CDC42SE2: variants seen among roughly 807,000 people sequenced by gnomAD.
CDC42SE2 encodes the protein CDC42 small effector protein 2.
A neutral mutation model predicts 11.5 loss-of-function variants in CDC42SE2; 3 were observed. That is an observed-to-expected ratio of 0.26 (90% CI 0.12 to 0.67). The LOEUF (loss-of-function observed/expected upper bound fraction) is 0.67. CDC42SE2 is among the 30% of genes least tolerant of loss of function. CDC42SE2 has a pLI of 0.80. For missense variants in CDC42SE2, 82 were observed against 106.8 expected (o/e 0.77, Z 1.02); for synonymous variants, 33 against 34.8 (o/e 0.95, Z 0.18).
At chr5:131,233,164 A>C in the CDC42SE2 span, among the ~76,000 whole-genome samples, 4 of 152,198 alleles carry the variant, frequency 2.6e-5, no homozygotes, top group Middle Eastern at 6.8e-3. Flanking sequence ...ACTGTTCTAC[A>C]TGTTGTTTTT....
the CDC42SE2 span, among the ~76,000 whole-genome samples, chr5:131,215,709 A>T: frequency 6.6e-6 from 1 of 152,182 alleles, no homozygotes; most frequent in African/African-American, 2.4e-5. Context: ...TCATTCAAAA[A>T]CCTGTGTCTA....
chr5:131,264,204 C>T (rs1011897718), intron 1 of CDC42SE2, 38 bp downstream of exon 1: 4 of 152,216 alleles, frequency 2.6e-5, no homozygotes, highest in African/African-American at 9.7e-5. Flanking sequence ...CGTCGGCCGC[C>T]ACGCCTCGCC....
At chr5:131,332,539 C>G (rs978105735) in intron 2 of CDC42SE2, among the ~76,000 whole-genome samples, 16 of 152,038 alleles carry the variant, frequency 1.1e-4, no homozygotes, top group Non-Finnish European at 2.2e-4. Flanking sequence ...TGAGGAATTG[C>G]CACACCAACT....
chr5:131,318,349 G>A (rs186003938), intron 2 of CDC42SE2, among the ~76,000 whole-genome samples: 1 of 152,184 alleles, frequency 6.6e-6, no homozygotes, highest in African/African-American at 2.4e-5. Flanking sequence ...AATCATTAAG[G>A]TCAACTTTAA....
intron 2 of CDC42SE2, among the ~76,000 whole-genome samples, chr5:131,356,077 T>C (rs2149767608): frequency 6.6e-6 from 1 of 152,318 alleles, no homozygotes; most frequent in East Asian, 1.9e-4. Context: ...AAAAGTCCCT[T>C]CCCTTTCTAA....
At chr5:131,286,559 C>T (rs1311615850) in intron 1 of CDC42SE2, among the ~76,000 whole-genome samples, 1 of 151,796 alleles carries the variant, frequency 6.6e-6, no homozygotes, top group East Asian at 1.9e-4. Flanking sequence ...GACCCTTGAA[C>T]AACATGGGTT....
At chr5:131,375,941 T>C (rs1053524347) in intron 3 of CDC42SE2, among the ~76,000 whole-genome samples, 3 of 152,156 alleles carry the variant, frequency 2.0e-5, no homozygotes, top group African/African-American at 7.2e-5. Flanking sequence ...CTGGACACTG[T>C]TAAGACTCCC....
chr5:131,243,342 G>A (rs1756554857), upstream of CDC42SE2, among the ~76,000 whole-genome samples: 1 of 152,224 alleles, frequency 6.6e-6, no homozygotes, highest in Non-Finnish European at 1.5e-5. Context: ...CACTTTGGGA[G>A]GCCAAGGTGG....
At chr5:131,225,119 G>C in the CDC42SE2 span, among the ~76,000 whole-genome samples, 1 of 152,128 alleles carries the variant, frequency 6.6e-6, no homozygotes, top group Non-Finnish European at 1.5e-5. Context: ...AAATCGAAGT[G>C]GTGGCCCAGA....
At chr5:131,231,826 C>T in the CDC42SE2 span, among the ~76,000 whole-genome samples, 2 of 151,682 alleles carry the variant, frequency 1.3e-5, no homozygotes, top group Non-Finnish European at 2.9e-5. Context: ...GAGTCTCACT[C>T]TGTCGCCCAG....
intron 3 of CDC42SE2, among the ~76,000 whole-genome samples, chr5:131,365,985 TAAAG>T (rs1406689292): frequency 1.3e-5 from 2 of 151,952 alleles, no homozygotes; most frequent in East Asian, 3.9e-4. Context: ...TGTTAAAAAA[TAAAG>T]AGAAGAATAT....
chr5:131,350,444 C>G (rs1758978146), intron 2 of CDC42SE2, among the ~76,000 whole-genome samples: 2 of 151,764 alleles, frequency 1.3e-5, no homozygotes, highest in African/African-American at 4.8e-5. Context: ...CTTAACAGAA[C>G]TATAATGGGA....
Position 131,380,956 on chromosome 5 carries a change from A to T in CDC42SE2, c.55-4587A>T, listed in dbSNP as rs1004911841. 2.0e-5 allele frequency among the ~76,000 whole-genome samples: 3 copies of T among 152,018 alleles called. No individual in the cohort carries two copies. The East Asian group carries it at 5.8e-4, about 29-fold the overall frequency. On this transcript the variant is annotated intron_variant, in intron 3 of 4. Coordinates refer to ENST00000505065, the MANE Select transcript of CDC42SE2 (RefSeq NM_001375635.1). ...ATAGCACTCACTAAGGTGCCCATTG[A>T]CTTGATATTGCTGAATCCATTGCAC...
At chr5:131,257,412 T>C (rs576740987) in intron 2 of CDC42SE2, among the ~76,000 whole-genome samples, 1 of 151,936 alleles carries the variant, frequency 6.6e-6, no homozygotes, top group African/African-American at 2.4e-5. Flanking sequence ...ATGAACTTTC[T>C]TTATGAAAGC....
chr5:131,290,121 A>AT (rs1447624149), intron 1 of CDC42SE2, among the ~76,000 whole-genome samples: 1 of 152,022 alleles, frequency 6.6e-6, no homozygotes, highest in Non-Finnish European at 1.5e-5. Flanking sequence ...TGCTACGATT[A>AT]TAGGTGTGAG....
intron 2 of CDC42SE2, among the ~76,000 whole-genome samples, chr5:131,330,258 T>C (rs1758393205): frequency 1.3e-5 from 2 of 152,210 alleles, no homozygotes; most frequent in Admixed American, 1.3e-4. Flanking sequence ...TAAAGCTTTT[T>C]ATGACGTTCT....
chr5:131,279,603 A>G (rs1757195752), intron 1 of CDC42SE2, among the ~76,000 whole-genome samples: 1 of 152,044 alleles, frequency 6.6e-6, no homozygotes, highest in Non-Finnish European at 1.5e-5. Flanking sequence ...TTTACAAATC[A>G]ATGAAATGGT....
At chr5:131,317,730 T>C (rs911673320) in intron 2 of CDC42SE2, among the ~76,000 whole-genome samples, 1 of 152,176 alleles carries the variant, frequency 6.6e-6, no homozygotes, top group Non-Finnish European at 1.5e-5. Context: ...CCTCTTTTTC[T>C]TCTTGAAAAT....
chr5:131,244,077 A>G (rs1453097615), upstream of CDC42SE2, among the ~76,000 whole-genome samples: 1 of 152,236 alleles, frequency 6.6e-6, no homozygotes, highest in Non-Finnish European at 1.5e-5. Flanking sequence ...TTTAAAACAA[A>G]AAGTAGTACT....
Sources: gnomAD v4.1 joint callset for allele counts (sites outside exome capture counted in the v4.1 genomes callset) on GRCh38, gnomAD v4.1.1 for gene constraint, MANE v1.5 for transcripts, NCBI Gene and HGNC (gene_info 2026-07-23, HGNC 2026-07-21) for gene names.